Variants in TBCEL observed in about 807,000 individuals in gnomAD.
TBCEL encodes tubulin-specific chaperone cofactor E-like protein.
Under a neutral mutation model 44.2 loss-of-function variants are expected in TBCEL, and 15 were observed. The observed-to-expected ratio is 0.34, with a 90% confidence interval of 0.23 to 0.52. The LOEUF (loss-of-function observed/expected upper bound fraction) is 0.52. Among genes scored for constraint, TBCEL ranks in the 20% least tolerant of loss-of-function variants. TBCEL has a pLI of 0.95. For missense variants in TBCEL, 319 were observed against 506.3 expected (o/e 0.63, Z 3.55); for synonymous variants, 171 against 185.4 (o/e 0.92, Z 0.63).
At chr11:121,052,348 G>A (rs185172880) in intron 4 of TBCEL, among the ~76,000 whole-genome samples, 219 of 151,826 alleles carry the variant, frequency 1.4e-3, no homozygotes, top group African/African-American at 5.1e-3. Flanking sequence ...ACTTTAATGT[G>A]TATCTCATTT....
At chr11:121,061,143 G>A (rs994054541) in intron 8 of TBCEL, among the ~76,000 whole-genome samples, 8 of 151,992 alleles carry the variant, frequency 5.3e-5, no homozygotes, top group Non-Finnish European at 8.8e-5. Context: ...GAACAACTAG[G>A]TAGGGGAAAA....
intron 4 of TBCEL, among the ~76,000 whole-genome samples, chr11:121,051,005 C>T (rs141848855): frequency 1.4e-3 from 209 of 151,708 alleles, no homozygotes; most frequent in African/African-American, 4.9e-3. Context: ...GTAAATTTAT[C>T]TGTGTAATGA....
chr11:121,029,622 A>T (rs1945108964), intron 1 of TBCEL, among the ~76,000 whole-genome samples: 1 of 152,244 alleles, frequency 6.6e-6, no homozygotes, highest in Non-Finnish European at 1.5e-5. Context: ...TTAAACAGGT[A>T]GCCCATTTCC....
intron 8 of TBCEL, among the ~76,000 whole-genome samples, chr11:121,069,819 G>A (rs1361815297): frequency 6.6e-6 from 1 of 152,024 alleles, no homozygotes; most frequent in African/African-American, 2.4e-5. Context: ...TAACTGGGAA[G>A]TAATGATACA....
intron 4 of TBCEL, among the ~76,000 whole-genome samples, chr11:121,049,602 T>C (rs888360418): frequency 6.6e-6 from 1 of 151,872 alleles, no homozygotes; most frequent in Non-Finnish European, 1.5e-5. Context: ...TAGTTTACTG[T>C]TTAACAAATT....
chr11:121,051,622 A>G (rs1945530537), intron 4 of TBCEL, among the ~76,000 whole-genome samples: 1 of 151,786 alleles, frequency 6.6e-6, no homozygotes, highest in Non-Finnish European at 1.5e-5. Flanking sequence ...TATTGCACAA[A>G]TGTTTGGTAC....
chr11:121,028,013 C>T (rs1052301545), intron 1 of TBCEL, among the ~76,000 whole-genome samples: 2 of 151,922 alleles, frequency 1.3e-5, no homozygotes, highest in African/African-American at 4.8e-5. Flanking sequence ...CAAAGCCAAC[C>T]TGGGCAACGT....
intron 6 of TBCEL, among the ~76,000 whole-genome samples, chr11:121,056,840 T>C (rs1479018203): frequency 6.6e-6 from 1 of 151,846 alleles, no homozygotes; most frequent in African/African-American, 2.4e-5. Context: ...TTATTCCTTA[T>C]TATTAAGTTT....
chr11:121,048,707 A>G (rs1020937767), intron 4 of TBCEL, among the ~76,000 whole-genome samples: 1 of 151,924 alleles, frequency 6.6e-6, no homozygotes, highest in Admixed American at 6.6e-5. Context: ...CCTAGAAACT[A>G]AAGTCTGACT....
chr11:121,055,421 T>A (rs1945601545), intron 6 of TBCEL, 113 bp downstream of exon 6: 1 of 1,175,802 alleles, frequency 8.5e-7, no homozygotes, highest in East Asian at 2.8e-5. Flanking sequence ...AGAGTGAATT[T>A]TCTATATGAC....
chr11:121,060,112 C>CT (rs1565500140), intron 8 of TBCEL, 27 bp downstream of exon 8: 1 of 1,531,574 alleles, frequency 6.5e-7, no homozygotes, highest in African/African-American at 1.4e-5. Context: ...TGGCCAAACA[C>CT]TTTAGAGGGT....
chr11:121,079,818 T>C (rs1794764585), intron 8 of TBCEL, among the ~76,000 whole-genome samples: 1 of 152,128 alleles, frequency 6.6e-6, no homozygotes, highest in Non-Finnish European at 1.5e-5. Context: ...ACTCGATAAA[T>C]GTTTTGTTTT....
chr11:121,072,039 C>T (rs1277429586), intron 8 of TBCEL, among the ~76,000 whole-genome samples: 1 of 152,292 alleles, frequency 6.6e-6, no homozygotes, highest in Non-Finnish European at 1.5e-5. Context: ...ACAAAAGGGG[C>T]ATTCTCCTTC....
At chr11:121,079,079 A>C (rs1565506928) in intron 8 of TBCEL, among the ~76,000 whole-genome samples, 1 of 152,202 alleles carries the variant, frequency 6.6e-6, no homozygotes, top group Non-Finnish European at 1.5e-5. Flanking sequence ...CCATGACTTA[A>C]GCTCTGTTGA....
Position 121,087,232 on chromosome 11 carries a change from A to AT in TBCEL, c.*141dup, listed in dbSNP as rs1462135073. Reference sequence around the variant, plus strand: ...TTTAGGTTTGGGAAGGATTTTGTATATTTTTCCCCCTGGAGTGAGTAGGGG... The same window carrying AT: ...TTTAGGTTTGGGAAGGATTTTGTATATTTTTTCCCCCTGGAGTGAGTAGGGG... On this transcript the variant is annotated 3_prime_UTR_variant, in exon 9 of 9. Transcript: ENST00000683345. 3.1e-6 allele frequency: 3 copies of AT among 967,220 alleles called. No homozygotes were observed. The highest frequency in any genetic ancestry group is 1.7e-5 in the African/African-American group (1 of 60,292). The allele number at this position is 967,220 out of a possible 1,614,324, so 59.9% of individuals were successfully genotyped here. A position where few individuals can be genotyped will look rare whatever the true frequency, so the allele number is the denominator to read the frequency against.
intron 4 of TBCEL, among the ~76,000 whole-genome samples, chr11:121,052,892 A>G (rs1272456297): frequency 6.6e-6 from 1 of 151,894 alleles, no homozygotes; most frequent in Non-Finnish European, 1.5e-5. Context: ...CCAAATAGCT[A>G]AGGTCAGTAA....
intron 4 of TBCEL, among the ~76,000 whole-genome samples, chr11:121,049,576 A>C (rs1212319197): frequency 1.3e-5 from 2 of 151,948 alleles, no homozygotes; most frequent in African/African-American, 2.4e-5. Context: ...TTATTTACTT[A>C]TCTGAACAAC....
rs1248051249 is a variant in TBCEL at position 121,090,163 on chromosome 11, A to G, written c.*3067A>G. On this transcript the variant is annotated 3_prime_UTR_variant, in exon 9 of 9. Transcript: ENST00000683345. Reference sequence around the variant, plus strand: ...GGCCAAAATATAACTTGAGCTAGGTATAACAGGGCTGAATGCTACAGTGTT... The same window carrying G: ...GGCCAAAATATAACTTGAGCTAGGTGTAACAGGGCTGAATGCTACAGTGTT... 3.3e-5 allele frequency: 5 copies of G among 152,332 alleles called. No individual in the cohort carries two copies. Among genetic ancestry groups the G allele is most frequent in the Non-Finnish European group, 7.4e-5 (5 of 68,018 alleles). The allele number at this position is 152,332 out of a possible 1,614,324, so 9.4% of individuals were successfully genotyped here. A position where few individuals can be genotyped will look rare whatever the true frequency, so the allele number is the denominator to read the frequency against.
At chr11:121,058,552 G>A in intron 7 of TBCEL, 81 bp downstream of exon 7, 2 of 1,533,638 alleles carry the variant, frequency 1.3e-6, no homozygotes, top group Non-Finnish European at 1.8e-6. Flanking sequence ...TTTAGTGGGA[G>A]TGCACTATGA....
Sources: gnomAD v4.1 joint callset for allele counts (sites outside exome capture counted in the v4.1 genomes callset) on GRCh38, gnomAD v4.1.1 for gene constraint, MANE v1.5 for transcripts, NCBI Gene and HGNC (gene_info 2026-07-23, HGNC 2026-07-21) for gene names.